Variants in CRY1 observed in about 807,000 individuals in gnomAD.
CRY1 encodes cryptochrome circadian regulator 1, also known as cryptochrome-1.
In CRY1, 45 loss-of-function variants were observed where a neutral mutation model predicts 76.0. The observed-to-expected ratio is 0.59, with a 90% CI of 0.47 to 0.76. CRY1 has a LOEUF of 0.76. Among genes scored for constraint, CRY1 ranks in the 30% least tolerant of loss-of-function variants. The probability of loss-of-function intolerance (pLI) is 0.00; values close to 1 mark genes in which losing one functional copy is unlikely to be tolerated. For missense variants in CRY1, 587 were observed against 716.4 expected (o/e 0.82, Z 2.06); for synonymous variants, 248 against 244.0 (o/e 1.02, Z -0.15).
At chr12:107,022,417 TTAAA>T (rs1279781907) in intron 1 of CRY1, among the ~76,000 whole-genome samples, 1 of 152,044 alleles carries the variant, frequency 6.6e-6, no homozygotes, top group Non-Finnish European at 1.5e-5. Flanking sequence ...CTAATTTTCA[TTAAA>T]TAAAAGTGAC....
In CRY1 at chr12:107,016,664, T is replaced by C. The variant is rs1952501009; in HGVS notation, c.267+5420A>G. Among the ~76,000 whole-genome samples the C allele has an allele frequency of 2.0e-5, 3 of 152,204 alleles. 1 individual carries two copies. The South Asian group carries it at 6.2e-4, about 32-fold the overall frequency. ...CTACTATTTATATACTGAAGAGTCC[T>C]AAATTTAGTCCAGACTTCTCCCTGA... On this transcript the variant is annotated intron_variant, in intron 2 of 12. Coordinates refer to ENST00000008527, the MANE Select transcript of CRY1 (RefSeq NM_004075.5).
chr12:107,012,221 TAGCTTCAA>T (rs1445038568), intron 2 of CRY1, among the ~76,000 whole-genome samples: 1 of 152,114 alleles, frequency 6.6e-6, no homozygotes, highest in Non-Finnish European at 1.5e-5. Context: ...AGTCAATGCC[TAGCTTCAA>T]AGCTTCAAAG....
At chr12:107,000,512 G>A (rs1410564690) in intron 5 of CRY1, among the ~76,000 whole-genome samples, 2 of 152,064 alleles carry the variant, frequency 1.3e-5, no homozygotes, top group African/African-American at 4.8e-5. Context: ...ACCACGCCCG[G>A]CTAATTTTTG....
intron 1 of CRY1, among the ~76,000 whole-genome samples, chr12:107,059,020 G>A (rs1183246132): frequency 1.3e-5 from 2 of 152,156 alleles, no homozygotes; most frequent in East Asian, 1.9e-4. Flanking sequence ...ATAAGTGGAC[G>A]AAATCAGTGA....
chr12:107,057,781 A>G (rs1489679743), intron 1 of CRY1, among the ~76,000 whole-genome samples: 1 of 152,042 alleles, frequency 6.6e-6, no homozygotes, highest in African/African-American at 2.4e-5. Context: ...AATTAAGGTT[A>G]GGACTGGTGG....
At chr12:107,088,291 CCTCT>C (rs1443856332) in intron 1 of CRY1, among the ~76,000 whole-genome samples, 1 of 151,848 alleles carries the variant, frequency 6.6e-6, no homozygotes, top group South Asian at 2.1e-4. Flanking sequence ...GTATCCCTCC[CCTCT>C]CTCTCTCGCC....
At chr12:107,039,151 G>C (rs1416571138) in intron 1 of CRY1, among the ~76,000 whole-genome samples, 3 of 151,870 alleles carry the variant, frequency 2.0e-5, no homozygotes, top group African/African-American at 7.3e-5. Flanking sequence ...AATAAAATAA[G>C]GCCTTCATCT....
At chr12:107,074,676 T>G (rs988740457) in intron 1 of CRY1, among the ~76,000 whole-genome samples, 1 of 152,216 alleles carries the variant, frequency 6.6e-6, no homozygotes, top group African/African-American at 2.4e-5. Flanking sequence ...AATCATACAA[T>G]TCTAGAACTA....
intron 2 of CRY1, among the ~76,000 whole-genome samples, chr12:107,006,674 G>A (rs1314934612): frequency 9.7e-6 from 1 of 102,808 alleles, no homozygotes; most frequent in Non-Finnish European, 1.9e-5. Context: ...ATCTCACTTT[G>A]TCACCCAGGC....
chr12:106,992,552 T>C (rs1952190380), intron 12 of CRY1: 6 of 355,520 alleles, frequency 1.7e-5, no homozygotes, highest in Admixed American at 1.7e-4. Flanking sequence ...ATCATAAACA[T>C]CTCTAATTTA....
intron 2 of CRY1, among the ~76,000 whole-genome samples, chr12:107,011,037 A>G (rs1400409698): frequency 6.6e-6 from 1 of 152,184 alleles, no homozygotes; most frequent in Non-Finnish European, 1.5e-5. Context: ...CTTAGTGAGG[A>G]AGGCATGTTG....
intron 1 of CRY1, among the ~76,000 whole-genome samples, chr12:107,070,204 TCAGGAAACTAGAAGTAAA>T (rs1416757044): frequency 2.0e-5 from 3 of 152,172 alleles, no homozygotes; most frequent in Non-Finnish European, 4.4e-5. Context: ...ATTTGTGGTG[TCAGGAAACTAGAAGTAAA>T]CAGGTAGCTA....
chr12:107,072,138 T>C (rs1953197654), intron 1 of CRY1, among the ~76,000 whole-genome samples: 1 of 151,894 alleles, frequency 6.6e-6, no homozygotes, highest in Non-Finnish European at 1.5e-5. Flanking sequence ...TTTGTTCCTT[T>C]CTGCATATGT....
intron 2 of CRY1, among the ~76,000 whole-genome samples, chr12:107,015,339 C>G (rs1232543296): frequency 1.6e-5 from 2 of 124,296 alleles, no homozygotes; most frequent in African/African-American, 5.8e-5. Flanking sequence ...AAGTCCCTAT[C>G]TACTCTTTTT....
chr12:106,998,860 T>C (rs1167806660), intron 7 of CRY1, among the ~76,000 whole-genome samples: 2 of 151,806 alleles, frequency 1.3e-5, no homozygotes, highest in African/African-American at 2.4e-5. Flanking sequence ...CTGGGCAATA[T>C]GGTAAAACCC....
chr12:107,067,203 C>A (rs1050327839), intron 1 of CRY1, among the ~76,000 whole-genome samples: 48 of 152,086 alleles, frequency 3.2e-4, no homozygotes, highest in African/African-American at 1.2e-3. Context: ...TTTTAAAGGG[C>A]TGCATAAAAA....
intron 2 of CRY1, among the ~76,000 whole-genome samples, chr12:107,011,026 G>T (rs1952438342): frequency 1.3e-5 from 2 of 152,164 alleles, no homozygotes; most frequent in African/African-American, 4.8e-5. Flanking sequence ...CTAGAAATAA[G>T]CTTAGTGAGG....
rs1282025335 is a variant in CRY1 at position 107,093,119 on chromosome 12, A to G, written c.-158T>C. ...AAAATGACTCCGAGGAGGGGACCGGAGAAGGCGGGGGCGCCGGAGGCGCAG... is the reference window on the plus strand; with the variant it reads ...AAAATGACTCCGAGGAGGGGACCGGGGAAGGCGGGGGCGCCGGAGGCGCAG... On this transcript the variant is annotated 5_prime_UTR_variant, in exon 1 of 13. Transcript: ENST00000008527. 3 of 889,960 alleles carry G rather than the reference A, an allele frequency of 3.4e-6. No homozygotes were observed. Among genetic ancestry groups the G allele is most frequent in the East Asian group, 2.9e-5 (1 of 34,554 alleles). 55.1% of individuals were successfully genotyped at this position (889,960 alleles called of 1,614,324 possible).
chr12:107,002,013 T>C, intron 3 of CRY1, 65 bp from the exon 4 acceptor site: 1 of 1,363,314 alleles, frequency 7.3e-7, no homozygotes, highest in South Asian at 1.4e-5. Context: ...GCTAATAAGC[T>C]CCCAAAAGGC....
Sources: allele counts gnomAD v4.1 joint callset (sites outside exome capture counted in the v4.1 genomes callset), GRCh38; gene constraint gnomAD v4.1.1; transcripts MANE v1.5; gene names NCBI Gene and HGNC (gene_info 2026-07-23, HGNC 2026-07-21).